Variants in ALK observed in about 807,000 individuals in gnomAD.
ALK encodes the protein ALK receptor tyrosine kinase, also known as ALK tyrosine kinase receptor.
A neutral mutation model predicts 163.1 loss-of-function variants in ALK; 74 were observed. The ratio of observed to expected loss-of-function variants is 0.45; its 90% CI spans 0.38 to 0.55. ALK has a LOEUF of 0.55. Among genes scored for constraint, ALK ranks in the 20% least tolerant of loss-of-function variants. ALK has a pLI of 0.00. For synonymous variants in ALK, 960 were observed against 843.2 expected (o/e 1.14, Z -2.40); for missense variants, 2,063 against 2,105.3 (o/e 0.98, Z 0.39).
intron 4 of ALK, among the ~76,000 whole-genome samples, chr2:29,505,519 G>C (rs72859934): frequency 0.052 from 7,843 of 152,180 alleles, 590 homozygotes; most frequent in African/African-American, 0.17. Context: ...AGGTTCTGGG[G>C]AGCTTAGGGG....
intron 8 of ALK, among the ~76,000 whole-genome samples, chr2:29,310,138 G>T (rs997189428): frequency 6.6e-6 from 1 of 152,078 alleles, no homozygotes; most frequent in Non-Finnish European, 1.5e-5. Context: ...GGCAGAGCTG[G>T]GATCTAAACT....
At position 29,193,283 on chromosome 2, in the gene ALK, C is replaced by G. The variant is rs747161831; in HGVS notation, c.4804G>C (p.Gly1602Arg). The change falls in exon 29 of 29, where the codon GGT becomes CGT. Residue 1602 changes from glycine (G) to arginine (R), a missense_variant. Physicochemically the swap from Gly to Arg is moderately radical, Grantham distance 125. This residue lies in a region of ALK where 403 missense variants were observed against 366.2 expected (regional missense o/e 1.10). Coordinates refer to ENST00000389048, the MANE Select transcript of ALK (RefSeq NM_004304.5). ...TTCAGAATGGTATCCTCGTAATGAC[C>G]AGCTCCAGGGGCAGTAGCGGCTTCT... The part of the protein sequence containing the change: ...PLEAATAPGA[G>R]HYEDTILKSK... 1 of 1,614,154 alleles carries G rather than the reference C, an allele frequency of 6.2e-7. No homozygotes were observed. The highest frequency in any genetic ancestry group is 2.2e-5 in the East Asian group (1 of 44,874).
At chr2:29,404,083 C>T (rs187596533) in intron 4 of ALK, among the ~76,000 whole-genome samples, 1 of 152,136 alleles carries the variant, frequency 6.6e-6, no homozygotes, top group African/African-American at 2.4e-5. Flanking sequence ...GTGGGTGGAT[C>T]GTCTGAGGTT....
chr2:29,212,844 T>G (rs1669500293), intron 24 of ALK, among the ~76,000 whole-genome samples: 1 of 152,172 alleles, frequency 6.6e-6, no homozygotes, highest in South Asian at 2.1e-4. Flanking sequence ...TAGCTGGGAT[T>G]ATAGGCGTCC....
chr2:29,642,265 A>G (rs943166112), intron 3 of ALK, among the ~76,000 whole-genome samples: 2 of 152,194 alleles, frequency 1.3e-5, no homozygotes, highest in East Asian at 1.9e-4. Flanking sequence ...CTTATTTCCT[A>G]TAGTTCAGGA....
chr2:29,420,456 T>A (rs1431922447), intron 4 of ALK, among the ~76,000 whole-genome samples: 1 of 151,512 alleles, frequency 6.6e-6, no homozygotes, highest in Non-Finnish European at 1.5e-5. Flanking sequence ...TATTCAGCGG[T>A]TATTCACATT....
intron 3 of ALK, among the ~76,000 whole-genome samples, chr2:29,538,597 G>A (rs1315780553): frequency 6.6e-6 from 1 of 152,158 alleles, no homozygotes; most frequent in East Asian, 1.9e-4. Context: ...CCAGACTCAG[G>A]TGTTCCTTTA....
At chr2:29,289,077 T>C (rs556718346) in intron 9 of ALK, among the ~76,000 whole-genome samples, 11 of 152,264 alleles carry the variant, frequency 7.2e-5, no homozygotes, top group Admixed American at 2.0e-4. Context: ...TAAACTACTC[T>C]GAGTCACAGT....
At position 29,272,185 on chromosome 2, in the gene ALK, G is replaced by GGGGAGA. The variant is rs1553402257; in HGVS notation, c.2041+2913_2041+2914insTCTCCC. On this transcript the variant is annotated intron_variant, in intron 11 of 28. Transcript: ENST00000389048. ...AGAGAGAAGGAGGGAGTCGGGTGAG[G>GGGGAGA]GAGAGAGAGAGAGAGAGAGAGAGAG... 4.5e-4 allele frequency among the ~76,000 whole-genome samples: 66 copies of GGGGAGA among 145,240 alleles called. 1 individual carries two copies. Among genetic ancestry groups the GGGGAGA allele is most frequent in the African/African-American group, 1.5e-3 (61 of 39,718 alleles).
At chr2:29,813,787 T>C (rs970089430) in intron 1 of ALK, among the ~76,000 whole-genome samples, 3 of 152,168 alleles carry the variant, frequency 2.0e-5, no homozygotes, top group Admixed American at 1.3e-4. Flanking sequence ...TAACTCACAA[T>C]TGTGTGGCAA....
chr2:29,601,842 C>T (rs1675387760), intron 3 of ALK, among the ~76,000 whole-genome samples: 1 of 152,044 alleles, frequency 6.6e-6, no homozygotes, highest in African/African-American at 2.4e-5. Flanking sequence ...GACTCAGAGG[C>T]CGAAGCTCAT....
chr2:29,521,749 C>T (rs1156674056), intron 4 of ALK, among the ~76,000 whole-genome samples: 1 of 152,186 alleles, frequency 6.6e-6, no homozygotes, highest in Non-Finnish European at 1.5e-5. Flanking sequence ...GCTCCAGTTG[C>T]CTGGACAGTT....
intron 6 of ALK, among the ~76,000 whole-genome samples, chr2:29,321,557 A>G (rs1411965110): frequency 6.6e-6 from 1 of 152,242 alleles, no homozygotes; most frequent in African/African-American, 2.4e-5. Flanking sequence ...TAAGGCTGCT[A>G]AAAGCCCTTG....
At chr2:29,894,868 ACACACACACC>A (rs1667230172) in intron 1 of ALK, among the ~76,000 whole-genome samples, 4 of 128,412 alleles carry the variant, frequency 3.1e-5, no homozygotes, top group South Asian at 2.5e-4. Flanking sequence ...ACACACACAC[ACACACACACC>A]CCGACATACT....
rs558489482 is a variant in ALK at position 29,684,347 on chromosome 2, G to A, written c.952+10503C>T. Among the ~76,000 whole-genome samples the A allele has an allele frequency of 4.6e-5, 7 of 152,328 alleles. No individual in the cohort carries two copies. In the South Asian group the frequency reaches 1.4e-3, roughly 32 times the overall value. On this transcript the variant is annotated intron_variant, in intron 3 of 28. Coordinates refer to ENST00000389048, the MANE Select transcript of ALK (RefSeq NM_004304.5). ...CACTCAATTCACCAATTTAGAGACT[G>A]AGGTCTGATGTCACGTGTCAGCCAA...
At chr2:29,607,140 T>C (rs946298854) in intron 3 of ALK, among the ~76,000 whole-genome samples, 1 of 152,212 alleles carries the variant, frequency 6.6e-6, no homozygotes, top group Non-Finnish European at 1.5e-5. Context: ...CAGGCCTTAC[T>C]TAGATTTTCA....
intron 1 of ALK, among the ~76,000 whole-genome samples, chr2:29,877,639 C>A (rs1396335161): frequency 6.6e-6 from 1 of 152,146 alleles, no homozygotes; most frequent in African/African-American, 2.4e-5. Flanking sequence ...ATTCATGAGG[C>A]CTCAGTCCAC....
chr2:29,573,122 T>G (rs13014477), intron 3 of ALK, among the ~76,000 whole-genome samples: 45,768 of 152,030 alleles, frequency 0.3, 7,060 homozygotes, highest in Middle Eastern at 0.34. Context: ...CTCCCTCCTT[T>G]CTCTCCCTCC....
intron 1 of ALK, among the ~76,000 whole-genome samples, chr2:29,788,243 G>T (rs1010474094): frequency 7.2e-5 from 11 of 152,188 alleles, no homozygotes; most frequent in African/African-American, 2.7e-4. Flanking sequence ...TCGAGGCCTG[G>T]CCACATAGCC....
Sources: allele counts gnomAD v4.1 joint callset (sites outside exome capture counted in the v4.1 genomes callset), GRCh38; gene constraint gnomAD v4.1.1; regional missense constraint gnomAD v4.1.1; transcripts MANE v1.5; gene names NCBI Gene and HGNC (gene_info 2026-07-23, HGNC 2026-07-21).